The following ZNF724 variants were observed in gnomAD, a reference collection of about 807,000 sequenced individuals.
ZNF724 encodes zinc finger protein 724, also known as zinc finger protein 724 pseudogene.
In ZNF724, 14 loss-of-function variants were observed where a neutral mutation model predicts 29.3. The ratio of observed to expected loss-of-function variants is 0.48; its 90% CI spans 0.32 to 0.75. The LOEUF (loss-of-function observed/expected upper bound fraction) is 0.75. ZNF724 is among the 30% of genes least tolerant of loss of function. ZNF724 has a pLI of 0.04. For synonymous variants in ZNF724, 180 were observed against 193.6 expected, an observed-to-expected ratio of 0.93 and a Z score of 0.58; for missense variants, 557 against 571.2, an observed-to-expected ratio of 0.98 and a Z score of 0.25.
At chr19:23,232,701 A>G (rs2145780454) in intron 1 of ZNF724, among the ~76,000 whole-genome samples, 1 of 151,444 alleles carries the variant, frequency 6.6e-6, no homozygotes, top group East Asian at 1.9e-4. Flanking sequence ...TTTTTTGCAG[A>G]AGATCTGGAA....
At chr19:23,244,109 G>T (rs1244300773) in intron 1 of ZNF724, among the ~76,000 whole-genome samples, 1 of 149,860 alleles carries the variant, frequency 6.7e-6, no homozygotes, top group African/African-American at 2.5e-5. Context: ...TCGACGGGTG[G>T]GGGTAAGTGC....
Position 23,232,049 on chromosome 19 carries a change from T to A in ZNF724, c.130+118A>T, listed in dbSNP as rs1971943334. On this transcript the variant is annotated intron_variant, in intron 2 of 3. Transcript: ENST00000418100. Reference sequence around the variant, plus strand: ...ACCACGCTTGGCCCCCAAGATTTTCTTAGAAATAGAGATCTGATACTCATT... The same window carrying A: ...ACCACGCTTGGCCCCCAAGATTTTCATAGAAATAGAGATCTGATACTCATT... The A allele has an allele frequency of 3.7e-5, 35 of 942,098 alleles. No individual in the cohort carries two copies. In the South Asian group the frequency reaches 5.3e-4, roughly 14 times the overall value. The allele number at this position is 942,098 out of a possible 1,614,324, so 58.4% of individuals were successfully genotyped here.
intron 1 of ZNF724, among the ~76,000 whole-genome samples, chr19:23,244,678 C>G (rs890820846): frequency 6.6e-6 from 1 of 152,140 alleles, no homozygotes; most frequent in African/African-American, 2.4e-5. Context: ...CTTTATCTAA[C>G]ATTTAAATTC....
chr19:23,245,177 A>C (rs983865007), intron 1 of ZNF724, among the ~76,000 whole-genome samples: 3 of 152,248 alleles, frequency 2.0e-5, no homozygotes, highest in African/African-American at 7.2e-5. Flanking sequence ...TCTCTTAGAA[A>C]ACCCAGCTGA....
chr19:23,240,454 T>C (rs992638572), intron 1 of ZNF724, among the ~76,000 whole-genome samples: 2 of 151,932 alleles, frequency 1.3e-5, no homozygotes, highest in African/African-American at 4.8e-5. Context: ...ACAAAATTAT[T>C]GGACGACATT....
In ZNF724 at chr19:23,222,709, G is replaced by A. The variant is rs1157503289; in HGVS notation, c.1536C>T (p.Gly512=). The A allele has an allele frequency of 7.1e-7, 1 of 1,411,520 alleles. No homozygotes were observed. The highest frequency in any genetic ancestry group is 2.3e-5 in the East Asian group (1 of 43,896). 87.4% of individuals were successfully genotyped at this position (1,411,520 alleles called of 1,614,324 possible). Residue 512 remains glycine, a synonymous_variant, in exon 4 of 4, where the codon GGC becomes GGT. Coordinates refer to ENST00000418100, the MANE Select transcript of ZNF724 (RefSeq NM_001355404.2). ...GTGTCGAGGATTGGTTAAAAGCTTT[G>A]CCACATTCTTTACATTTGTAGGGTT... The part of the protein sequence containing the change: ...GEKPYKCKEC[G]KAFNQSSTLA...
Position 23,223,037 on chromosome 19 carries a change from A to G in ZNF724, c.1208T>C (p.Phe403Ser). 1 of 1,315,880 alleles carries G rather than the reference A, an allele frequency of 7.6e-7. No individual in the cohort carries two copies. Among genetic ancestry groups the G allele is most frequent in the Non-Finnish European group, 1.1e-6 (1 of 909,560 alleles). The allele number at this position is 1,315,880 out of a possible 1,614,324, so 81.5% of individuals were successfully genotyped here. Reference protein sequence around the residue: ...PYKCEECGKAFNTSSHLTTHK... With the variant: ...PYKCEECGKASNTSSHLTTHK... Reference sequence around the variant, plus strand: ...TGTGGTGAGGTGTGAGGATGTGTTAAAGGCTTTGCCACATTCTTCACATTT... The same window carrying G: ...TGTGGTGAGGTGTGAGGATGTGTTAGAGGCTTTGCCACATTCTTCACATTT... The change falls in exon 4 of 4, where the codon TTT (phenylalanine) becomes TCT (serine). Residue 403 changes from phenylalanine to serine, a missense_variant. By Grantham distance (155) the Phe-to-Ser change is radical. Around this residue, in one of 3 missense-constraint regions of ZNF724, gnomAD observed 362 missense variants for 295.5 expected, o/e 1.22. Transcript: ENST00000418100.
intron 1 of ZNF724, among the ~76,000 whole-genome samples, chr19:23,248,574 CAA>C (rs1026202041): frequency 7.0e-5 from 10 of 143,504 alleles, no homozygotes; most frequent in Non-Finnish European, 1.5e-5. Context: ...AAATCTAACT[CAA>C]ATGCATTTTT....
At chr19:23,229,956 C>T (rs1384131357) in intron 3 of ZNF724, among the ~76,000 whole-genome samples, 1 of 152,108 alleles carries the variant, frequency 6.6e-6, no homozygotes, top group Non-Finnish European at 1.5e-5. Context: ...TAAAAAGTTG[C>T]TGTTTGTAGA....
Position 23,240,683 on chromosome 19 carries a change from G to A in ZNF724, c.4-8390C>T, listed in dbSNP as rs181824939. On this transcript the variant is annotated intron_variant, in intron 1 of 3. Transcript: ENST00000418100. Reference sequence around the variant, plus strand: ...TGCGGTAATCTGAGATCATTCCACCGCACTCCAGCCTAGGTGACAGAGTGG... The same window carrying A: ...TGCGGTAATCTGAGATCATTCCACCACACTCCAGCCTAGGTGACAGAGTGG... 1.0e-2 allele frequency among the ~76,000 whole-genome samples: 1,415 copies of A among 141,608 alleles called. 10 individuals are homozygous for A. The highest frequency in any genetic ancestry group is 0.031 in the Middle Eastern group (8 of 258). 92.9% of individuals were successfully genotyped at this position (141,608 alleles called of 152,430 possible).
rs555045434 is a variant in ZNF724, at chr19:23,223,611, T to A, written c.634A>T (p.Thr212Ser). 198 of 715,442 alleles carry A rather than the reference T, an allele frequency of 2.8e-4. 1 individual carries two copies. The South Asian group carries it at 2.9e-3, about 10-fold the overall frequency. 44.3% of individuals were successfully genotyped at this position (715,442 alleles called of 1,614,324 possible). A position where few individuals can be genotyped will look rare whatever the true frequency, so the allele number is the denominator to read the frequency against. The stretch of plus-strand genomic sequence containing the variant: ...TGAATTCTCTTATGTTGAGAAAGGG[T>A]TGAGGACACATTAAAGGCCTTGCCA... ...ECGKAFNVSS[T>S]LSQHKRIHTG... Residue 212 changes from threonine (T) to serine (S), a missense_variant, in exon 4 of 4, where the codon ACC becomes TCC. Transcript: ENST00000418100.
intron 3 of ZNF724, among the ~76,000 whole-genome samples, chr19:23,224,665 T>G (rs1424798981): frequency 6.6e-6 from 1 of 151,884 alleles, no homozygotes; most frequent in African/African-American, 2.4e-5. Context: ...CCTTTAGAAG[T>G]GAACACCCAG....
intron 1 of ZNF724, among the ~76,000 whole-genome samples, chr19:23,249,240 CCT>C (rs1691387487): frequency 1.3e-5 from 1 of 74,962 alleles, no homozygotes; most frequent in Non-Finnish European, 2.7e-5. Flanking sequence ...GCAGAGACTG[CCT>C]TTTTTTTTTT....
chr19:23,233,723 G>A (rs556838985), intron 1 of ZNF724, among the ~76,000 whole-genome samples: 1 of 151,612 alleles, frequency 6.6e-6, no homozygotes, highest in African/African-American at 2.4e-5. Context: ...TAGAAGTCAA[G>A]GTTTGCAAGT....
chr19:23,225,106 T>G (rs1971803576), intron 3 of ZNF724, among the ~76,000 whole-genome samples: 1 of 152,122 alleles, frequency 6.6e-6, no homozygotes, highest in Admixed American at 6.6e-5. Flanking sequence ...TAATTAAAAA[T>G]AGAATTATAA....
At chr19:23,243,540 C>T (rs942819390) in intron 1 of ZNF724, among the ~76,000 whole-genome samples, 8 of 141,830 alleles carry the variant, frequency 5.6e-5, no homozygotes, top group African/African-American at 2.1e-4. Flanking sequence ...AATGCACTAT[C>T]TCATTTATAA....
At chr19:23,228,001 A>G (rs1971869332) in intron 3 of ZNF724, among the ~76,000 whole-genome samples, 1 of 152,176 alleles carries the variant, frequency 6.6e-6, no homozygotes, top group African/African-American at 2.4e-5. Flanking sequence ...GGAATTCCTG[A>G]CAAAAATGCC....
chr19:23,229,133 T>A (rs994696857), intron 3 of ZNF724, among the ~76,000 whole-genome samples: 1 of 152,004 alleles, frequency 6.6e-6, no homozygotes, highest in Non-Finnish European at 1.5e-5. Flanking sequence ...GAAACTCTGA[T>A]AATGCCCAAG....
chr19:23,242,306 T>C (rs1276571988), intron 1 of ZNF724, among the ~76,000 whole-genome samples: 7 of 152,114 alleles, frequency 4.6e-5, no homozygotes, highest in Non-Finnish European at 1.0e-4. Flanking sequence ...TGACCAGGCA[T>C]GATGACTCAC....
Sources: allele counts gnomAD v4.1 joint callset (sites outside exome capture counted in the v4.1 genomes callset), GRCh38; gene constraint gnomAD v4.1.1; regional missense constraint gnomAD v4.1.1; transcripts MANE v1.5; gene names NCBI Gene and HGNC (gene_info 2026-07-23, HGNC 2026-07-21).